HDLBP: variants seen among roughly 807,000 people sequenced by gnomAD.
The protein encoded by HDLBP is vigilin.
In HDLBP, 30 loss-of-function variants were observed where a neutral mutation model predicts 137.3. The observed-to-expected ratio is 0.22, with a 90% CI of 0.16 to 0.30. The LOEUF is 0.30. Among genes scored for constraint, HDLBP ranks in the 10% least tolerant of loss-of-function variants. HDLBP has a pLI of 1.00. For synonymous variants in HDLBP, 606 were observed against 596.0 expected (o/e 1.02, Z -0.24); for missense variants, 1,119 against 1,667.3 (o/e 0.67, Z 5.73).
At chr2:241,259,596 CT>C (rs769037958) in intron 5 of HDLBP, among the ~76,000 whole-genome samples, 11 of 152,280 alleles carry the variant, frequency 7.2e-5, no homozygotes, top group Non-Finnish European at 1.6e-4. Flanking sequence ...TCAAACAATC[CT>C]TTCTCCTCAG....
At chr2:241,267,738 C>A (rs2047174433) in intron 2 of HDLBP, 11 of 1,532,532 alleles carry the variant, frequency 7.2e-6, no homozygotes, top group Non-Finnish European at 9.6e-6. Flanking sequence ...AGCCTCAGTG[C>A]TTTGTAGCAA....
chr2:241,273,019 G>A (rs189811221), intron 1 of HDLBP: 3 of 985,464 alleles, frequency 3.0e-6, no homozygotes, highest in Admixed American at 6.1e-5. Context: ...GTGCCGAGGA[G>A]TTGGGAAATT....
chr2:241,282,060 C>T (rs1384980221), intron 1 of HDLBP, among the ~76,000 whole-genome samples: 4 of 152,156 alleles, frequency 2.6e-5, no homozygotes, highest in Admixed American at 6.5e-5. Context: ...GTATAAAATG[C>T]GTCTTCTTCT....
At position 241,229,420 on chromosome 2, in the gene HDLBP, G is replaced by A. The variant is rs888967568; in HGVS notation, c.*181C>T. ...AGTGGAGCAGGTCCTGAGCGGGCAC[G>A]GCCAGGCCTGGAGGAGCGGCCGCAC... On this transcript the variant is annotated 3_prime_UTR_variant, in exon 28 of 28. Transcript: ENST00000310931. 2.9e-5 allele frequency: 16 copies of A among 559,388 alleles called. No individual in the cohort carries two copies. Among genetic ancestry groups the A allele is most frequent in the South Asian group, 8.0e-5 (4 of 50,134 alleles). The allele number at this position is 559,388 out of a possible 1,614,324, so 34.7% of individuals were successfully genotyped here.
intron 5 of HDLBP, among the ~76,000 whole-genome samples, chr2:241,258,578 AACTC>A (rs1396197123): frequency 6.6e-6 from 1 of 152,210 alleles, no homozygotes; most frequent in East Asian, 1.9e-4. Context: ...AAAAAAGTGA[AACTC>A]AATCAGTGCC....
intron 1 of HDLBP, among the ~76,000 whole-genome samples, chr2:241,306,776 G>A (rs4500940): frequency 1.3e-5 from 2 of 151,738 alleles, no homozygotes; most frequent in Admixed American, 6.6e-5. Context: ...CAGCTACTCA[G>A]GAGGCTGAGG....
At chr2:241,235,059 T>C in intron 23 of HDLBP, 62 bp downstream of exon 23, 5 of 1,582,668 alleles carry the variant, frequency 3.2e-6, no homozygotes, top group Non-Finnish European at 3.4e-6. Flanking sequence ...CCCTAGATTC[T>C]GACATGTGCC....
At chr2:241,279,300 T>C (rs2074512383) in intron 1 of HDLBP, among the ~76,000 whole-genome samples, 1 of 152,226 alleles carries the variant, frequency 6.6e-6, no homozygotes, top group Non-Finnish European at 1.5e-5. Flanking sequence ...GTTTTCTATA[T>C]GTAATTTTTA....
chr2:241,306,113 A>G (rs1269169106), intron 1 of HDLBP, among the ~76,000 whole-genome samples: 10 of 151,892 alleles, frequency 6.6e-5, no homozygotes, highest in Non-Finnish European at 1.5e-5. Flanking sequence ...CTTAAACGTG[A>G]TCACAAAATC....
intron 1 of HDLBP, among the ~76,000 whole-genome samples, chr2:241,288,742 T>C (rs1181214754): frequency 6.6e-6 from 1 of 152,158 alleles, no homozygotes; most frequent in Non-Finnish European, 1.5e-5. Context: ...CACACACACA[T>C]ACTCCTCACC....
In HDLBP at chr2:241,238,809, A is replaced by G. The variant is rs771379692; in HGVS notation, c.2611-22T>C. On this transcript the variant is annotated intron_variant, in intron 19 of 27. Transcript: ENST00000310931. This position sits in a 1 kb window ranked among gnomAD's most constrained non-coding sequence, Gnocchi z 4.9. Reference sequence around the variant, plus strand: ...CTTCCTGGAGGGAGGTACACAAAGAAAAAAGAAAAGAGCAAAGATTAAATT... The same window carrying G: ...CTTCCTGGAGGGAGGTACACAAAGAGAAAAGAAAAGAGCAAAGATTAAATT... The G allele has an allele frequency of 2.0e-6, 3 of 1,468,682 alleles. No individual in the cohort carries two copies. Among genetic ancestry groups the G allele is most frequent in the African/African-American group, 2.8e-5 (2 of 70,176 alleles). 91.0% of individuals were successfully genotyped at this position (1,468,682 alleles called of 1,614,324 possible). A position where few individuals can be genotyped will look rare whatever the true frequency, so the allele number is the denominator to read the frequency against.
At chr2:241,252,911 G>C in intron 11 of HDLBP, 46 bp downstream of exon 11, 1 of 1,331,180 alleles carries the variant, frequency 7.5e-7, no homozygotes, top group Non-Finnish European at 1.1e-6. Context: ...CCCCCACAAG[G>C]GTCTCAGGGC....
At chr2:241,267,792 C>G in intron 2 of HDLBP, 1 of 1,489,526 alleles carries the variant, frequency 6.7e-7, no homozygotes, top group Admixed American at 2.1e-5. Flanking sequence ...TTGATCCACA[C>G]TGACTGGTTA....
intron 1 of HDLBP, among the ~76,000 whole-genome samples, chr2:241,311,718 C>CA (rs1183542847): frequency 2.0e-5 from 3 of 152,102 alleles, no homozygotes; most frequent in Admixed American, 2.0e-4. Flanking sequence ...CCCAGGAAAA[C>CA]AAAAAGTTAT....
At chr2:241,264,968 A>T (rs2073538150) in intron 3 of HDLBP, among the ~76,000 whole-genome samples, 1 of 152,200 alleles carries the variant, frequency 6.6e-6, no homozygotes, top group African/African-American at 2.4e-5. Flanking sequence ...AGTCCTCTAG[A>T]GTCTAATAAC....
intron 9 of HDLBP, among the ~76,000 whole-genome samples, chr2:241,254,433 C>T (rs577529082): frequency 1.4e-3 from 214 of 151,866 alleles, no homozygotes; most frequent in Non-Finnish European, 2.4e-3. Flanking sequence ...AAACTGAGAA[C>T]GCTTTAAATT....
At chr2:241,266,140 C>T (rs1250997194) in intron 3 of HDLBP, among the ~76,000 whole-genome samples, 2 of 152,218 alleles carry the variant, frequency 1.3e-5, no homozygotes, top group Non-Finnish European at 2.9e-5. Flanking sequence ...GAAAATCTGG[C>T]ATTCAAATGG....
chr2:241,273,006 G>T (rs1162502833), intron 1 of HDLBP: 3 of 985,108 alleles, frequency 3.0e-6, no homozygotes, highest in Non-Finnish European at 3.6e-6. Context: ...GGTGGGGAAG[G>T]CGGTGCCGAG....
chr2:241,293,740 C>T (rs147018966), intron 1 of HDLBP, among the ~76,000 whole-genome samples: 100 of 150,992 alleles, frequency 6.6e-4, no homozygotes, highest in Middle Eastern at 3.5e-3. Context: ...GGCAACATAG[C>T]GAAACCTCAT....
Sources: gnomAD v4.1 joint callset for allele counts (sites outside exome capture counted in the v4.1 genomes callset) on GRCh38, gnomAD v4.1.1 for gene constraint, Gnocchi (gnomAD v3.1) non-coding constraint, MANE v1.5 for transcripts, NCBI Gene and HGNC (gene_info 2026-07-23, HGNC 2026-07-21) for gene names.